CCDC150: variants seen among roughly 807,000 people sequenced by gnomAD.
The protein encoded by CCDC150 is coiled-coil domain containing 150.
In CCDC150, 151 loss-of-function variants were observed where a neutral mutation model predicts 156.5. The ratio of observed to expected loss-of-function variants is 0.97; its 90% CI spans 0.85 to 1.10. The LOEUF (loss-of-function observed/expected upper bound fraction) is 1.10, where lower values mean the gene tolerates loss of function less well. CCDC150 is among the 50% of genes least tolerant of loss of function. The pLI is 0.00. For synonymous variants in CCDC150, 452 were observed against 429.4 expected, an observed-to-expected ratio of 1.05 and a Z score of -0.65; for missense variants, 1,312 against 1,268.1, an observed-to-expected ratio of 1.03 and a Z score of -0.53.
In CCDC150 at chr2:196,712,694, T is replaced by C. The variant is rs773727828; in HGVS notation, c.1821T>C (p.Ser607=). The C allele has an allele frequency of 2.5e-6, 4 of 1,610,760 alleles. No homozygotes were observed. The highest frequency in any genetic ancestry group is 3.4e-6 in the Non-Finnish European group (4 of 1,178,408). Residue 607 remains serine (S), a synonymous_variant, in exon 17 of 28, where the codon AGT becomes AGC. Transcript: ENST00000389175. ...TKYAQANSEL[S]AKRVHLQQAD... ...AATTAAAGGCAAACTCAGAACTCAG[T>C]GCCAAGAGGGTACACCTGCAGCAGG...
At chr2:196,713,788 T>G in intron 17 of CCDC150, 1 of 1,208,080 alleles carries the variant, frequency 8.3e-7, no homozygotes, top group Non-Finnish European at 1.1e-6. Context: ...AACAAGGAAA[T>G]AAGGTTCTTC....
At chr2:196,663,705 A>G (rs1693683058) in intron 5 of CCDC150, among the ~76,000 whole-genome samples, 1 of 152,160 alleles carries the variant, frequency 6.6e-6, no homozygotes, top group South Asian at 2.1e-4. Flanking sequence ...CAATCTTGTA[A>G]CAGTCATATC....
intron 15 of CCDC150, among the ~76,000 whole-genome samples, chr2:196,703,343 A>G (rs1696368320): frequency 6.6e-6 from 1 of 152,222 alleles, no homozygotes; most frequent in African/African-American, 2.4e-5. Context: ...CTAGAACAAT[A>G]AAAAGAACTA....
chr2:196,648,863 G>T (rs1045216676), intron 2 of CCDC150, among the ~76,000 whole-genome samples: 3 of 152,122 alleles, frequency 2.0e-5, no homozygotes. Flanking sequence ...TATGTGGATA[G>T]TCAGTTTTCC....
chr2:196,672,350 G>T lies in CCDC150; in HGVS notation c.942G>T (p.Leu314=). The change falls in exon 9 of 28, where the codon CTG becomes CTT. Residue 314 remains leucine, a synonymous_variant. Coordinates refer to ENST00000389175, the MANE Select transcript of CCDC150 (RefSeq NM_001080539.2). ...ISKLVEENKN[L]QISFNKEHEE... is the part of the protein sequence containing the mutation. ...AGTAATTTTTTTTCTTATAGAACCT[G>T]CAGATATCTTTCAACAAGGAACATG... 2.6e-6 allele frequency: 4 copies of T among 1,515,900 alleles called. No individual in the cohort carries two copies. The highest frequency in any genetic ancestry group is 3.5e-6 in the Non-Finnish European group (4 of 1,130,430). 93.9% of individuals were successfully genotyped at this position (1,515,900 alleles called of 1,614,324 possible). A position where few individuals can be genotyped will look rare whatever the true frequency, so the allele number is the denominator to read the frequency against.
intron 13 of CCDC150, among the ~76,000 whole-genome samples, chr2:196,680,268 A>T (rs538714150): frequency 6.6e-6 from 1 of 152,004 alleles, no homozygotes; most frequent in Non-Finnish European, 1.5e-5. Context: ...TTTCAAGTTA[A>T]TTTTTATGTA....
chr2:196,723,129 G>A (rs1423422564), intron 21 of CCDC150, among the ~76,000 whole-genome samples: 1 of 152,100 alleles, frequency 6.6e-6, no homozygotes, highest in Admixed American at 6.5e-5. Context: ...TGGGTTTCAG[G>A]TACAGTTACT....
At chr2:196,690,010 G>T (rs1575844336) in intron 13 of CCDC150, among the ~76,000 whole-genome samples, 1 of 152,106 alleles carries the variant, frequency 6.6e-6, no homozygotes, top group Non-Finnish European at 1.5e-5. Context: ...TAATCATGTG[G>T]TTTTTGTCTT....
chr2:196,666,717 A>G lies in CCDC150; in HGVS notation c.763-2A>G. The G allele has an allele frequency of 6.3e-7, 1 of 1,596,028 alleles. No homozygotes were observed. Among genetic ancestry groups the G allele is most frequent in the Non-Finnish European group, 8.5e-7 (1 of 1,172,850 alleles). ...AAAAGAGTTTTTCTTATACAATTTC[A>G]GGTGCACATTTTGCAGCAAAACTGC... On this transcript the variant is annotated splice_acceptor_variant, in intron 6 of 27. Coordinates refer to ENST00000389175, the MANE Select transcript of CCDC150 (RefSeq NM_001080539.2). LOFTEE classifies it high-confidence loss of function.
intron 2 of CCDC150, among the ~76,000 whole-genome samples, chr2:196,652,752 G>A (rs1041912109): frequency 6.6e-6 from 1 of 152,254 alleles, no homozygotes; most frequent in Admixed American, 6.5e-5. Context: ...GCAGAAGCCT[G>A]TTGCAGGAGG....
chr2:196,642,345 T>C (rs1012147766), intron 1 of CCDC150, among the ~76,000 whole-genome samples: 1 of 152,190 alleles, frequency 6.6e-6, no homozygotes, highest in Admixed American at 6.5e-5. Context: ...CAAGTGGCCA[T>C]TGGAGAGTGT....
In CCDC150 at chr2:196,719,656, A is replaced by C; in HGVS notation, c.2155A>C (p.Lys719Gln). The change falls in exon 19 of 28, where the codon AAG becomes CAG. Residue 719 changes from lysine to glutamine, a missense_variant. Physicochemically the swap from Lys to Gln is moderately conservative, Grantham distance 53. Transcript: ENST00000389175. ...GRRDSEIAGL[K>Q]KERDLNQQRV... ...GAGGGATTCAGAGATTGCAGGCCTC[A>C]AGAAAGAAAGGTACCTGTGGTTTTT... 1.9e-6 allele frequency: 3 copies of C among 1,607,314 alleles called. No homozygotes were observed. Among genetic ancestry groups the C allele is most frequent in the East Asian group, 2.2e-5 (1 of 44,666 alleles).
chr2:196,660,352 A>T (rs554665060), intron 5 of CCDC150, among the ~76,000 whole-genome samples: 37 of 152,214 alleles, frequency 2.4e-4, no homozygotes, highest in Admixed American at 4.6e-4. Context: ...TTGCTGGTTC[A>T]TCTGGTAAGC....
At chr2:196,702,635 T>C (rs971447795) in intron 15 of CCDC150, among the ~76,000 whole-genome samples, 2 of 151,744 alleles carry the variant, frequency 1.3e-5, no homozygotes, top group African/African-American at 4.8e-5. Flanking sequence ...CCACCCAAAG[T>C]GCTGGGATTA....
At chr2:196,672,801 A>G (rs1184546747) in intron 9 of CCDC150, among the ~76,000 whole-genome samples, 4 of 152,152 alleles carry the variant, frequency 2.6e-5, no homozygotes, top group African/African-American at 7.2e-5. Flanking sequence ...TGTATCTTCT[A>G]TAGTAAATAA....
At position 196,729,824 on chromosome 2, in the gene CCDC150, T is replaced by C; in HGVS notation, c.2783T>C (p.Leu928Pro). 1 of 1,591,564 alleles carries C rather than the reference T, an allele frequency of 6.3e-7. No individual in the cohort carries two copies. The highest frequency in any genetic ancestry group is 2.2e-5 in the East Asian group (1 of 44,730). The stretch of plus-strand genomic sequence containing the variant: ...GAAAAAGAATTGAAGCAAATGGAGC[T>C]AATTAAGGATCAATATCAGAAAAAG... Reference protein sequence around the residue: ...QIEKELKQMELIKDQYQKKNY... With the variant: ...QIEKELKQMEPIKDQYQKKNY... Residue 928 changes from leucine to proline, a missense_variant, in exon 24 of 28, where the codon CTA becomes CCA. Physicochemically the swap from Leu to Pro is moderately conservative, Grantham distance 98. Transcript: ENST00000389175.
intron 1 of CCDC150, among the ~76,000 whole-genome samples, chr2:196,640,950 C>T (rs1489528024): frequency 1.3e-5 from 2 of 149,410 alleles, no homozygotes; most frequent in Non-Finnish European, 3.0e-5. Flanking sequence ...CTACAATGGC[C>T]TTCAAGGCTC....
Position 196,656,762 on chromosome 2 carries a change from T to C in CCDC150, c.306T>C (p.Asn102=). ...GGAAGAACTGTGAGTTTCTGGTAAATCGAATGTGCCGTCTTGAAAGCCTCA... is the reference window on the plus strand; with the variant it reads ...GGAAGAACTGTGAGTTTCTGGTAAACCGAATGTGCCGTCTTGAAAGCCTCA... ...ILWKNCEFLV[N]RMCRLESLMQ... Residue 102 remains asparagine (N), a synonymous_variant, in exon 3 of 28, where the codon AAT becomes AAC. Transcript: ENST00000389175. 6 of 1,613,890 alleles carry C rather than the reference T, an allele frequency of 3.7e-6. No homozygotes were observed. The highest frequency in any genetic ancestry group is 5.1e-6 in the Non-Finnish European group (6 of 1,179,812).
chr2:196,675,613 A>ACC (rs1261045779), intron 10 of CCDC150, among the ~76,000 whole-genome samples: 67 of 85,992 alleles, frequency 7.8e-4, no homozygotes, highest in African/African-American at 2.2e-3. Context: ...AACTATGTAA[A>ACC]ACAGTTATAG....
Sources: gnomAD v4.1 joint callset for allele counts (sites outside exome capture counted in the v4.1 genomes callset) on GRCh38, gnomAD v4.1.1 for gene constraint, MANE v1.5 for transcripts, NCBI Gene and HGNC (gene_info 2026-07-23, HGNC 2026-07-21) for gene names.